PRPSAP2: variants seen among roughly 807,000 people sequenced by gnomAD.
The protein encoded by PRPSAP2 is phosphoribosyl pyrophosphate synthetase associated protein 2, also known as phosphoribosyl pyrophosphate synthase-associated protein 2.
A neutral mutation model predicts 40.6 loss-of-function variants in PRPSAP2; 24 were observed. That is an observed-to-expected ratio of 0.59 (90% CI 0.43 to 0.83). The LOEUF (loss-of-function observed/expected upper bound fraction) is 0.83. Among genes scored for constraint, PRPSAP2 ranks in the 40% least tolerant of loss-of-function variants. The pLI is 0.00. For synonymous variants in PRPSAP2, 149 were observed against 164.7 expected (o/e 0.90, Z 0.73); for missense variants, 292 against 465.6 (o/e 0.63, Z 3.43).
chr17:18,879,108 G>T (rs1264555314), intron 6 of PRPSAP2, among the ~76,000 whole-genome samples: 1 of 152,106 alleles, frequency 6.6e-6, no homozygotes, highest in Non-Finnish European at 1.5e-5. Context: ...GACCTCAAGT[G>T]ATCCACCTGC....
At chr17:18,867,412 A>C in intron 4 of PRPSAP2, 78 bp downstream of exon 4, 1 of 1,477,284 alleles carries the variant, frequency 6.8e-7, no homozygotes, top group Non-Finnish European at 9.4e-7. Flanking sequence ...ATCCTTTACT[A>C]TTGAAACGAT....
In PRPSAP2 at chr17:18,865,846, A is replaced by G. The variant is rs2037386046; in HGVS notation, c.13A>G (p.Thr5Ala). 6.6e-7 allele frequency: 1 copy of G among 1,512,098 alleles called. No homozygotes were observed. Among genetic ancestry groups the G allele is most frequent in the Non-Finnish European group, 8.9e-7 (1 of 1,118,954 alleles). 93.7% of individuals were successfully genotyped at this position (1,512,098 alleles called of 1,614,324 possible). ...CAAGAAGGTTTTGATGTTTTGTGTG[A>G]CGCCACCTGAATTAGAAACCAAGAT... MFCV[T>A]PPELETKMNI... The change falls in exon 3 of 12, where the codon ACG (threonine) becomes GCG (alanine). Residue 5 changes from threonine (T) to alanine (A), a missense_variant. This residue lies in a region of PRPSAP2 where 51 missense variants were observed against 40.0 expected (regional missense o/e 1.28). Coordinates refer to ENST00000268835, the MANE Select transcript of PRPSAP2 (RefSeq NM_002767.4).
At chr17:18,913,977 C>A (rs2041133946) in intron 9 of PRPSAP2, among the ~76,000 whole-genome samples, 1 of 151,224 alleles carries the variant, frequency 6.6e-6, no homozygotes, top group Non-Finnish European at 1.5e-5. Context: ...AGATCAAGAC[C>A]AGCCTGGCCA....
chr17:18,878,997 G>A (rs775068508), intron 6 of PRPSAP2, among the ~76,000 whole-genome samples: 1 of 151,962 alleles, frequency 6.6e-6, no homozygotes, highest in Non-Finnish European at 1.5e-5. Context: ...AGCTTCTCTA[G>A]TAGCTGGGAC....
intron 8 of PRPSAP2, 99 bp downstream of exon 8, chr17:18,889,976 C>T (rs1409853762): frequency 4.0e-6 from 4 of 1,011,644 alleles, no homozygotes; most frequent in Middle Eastern, 2.1e-4. Flanking sequence ...TGGTTCCCAG[C>T]GATATCTCTT....
At chr17:18,906,662 A>G (rs942535638) in intron 8 of PRPSAP2, among the ~76,000 whole-genome samples, 3 of 152,014 alleles carry the variant, frequency 2.0e-5, no homozygotes, top group African/African-American at 7.2e-5. Flanking sequence ...TAAAAAGTAT[A>G]TTGAAAATAG....
At chr17:18,878,344 A>C (rs2038453981) in intron 6 of PRPSAP2, among the ~76,000 whole-genome samples, 1 of 152,106 alleles carries the variant, frequency 6.6e-6, no homozygotes, top group African/African-American at 2.4e-5. Flanking sequence ...GATCCCCCTG[A>C]GTAGTTGGAA....
chr17:18,897,172 G>C (rs1356455988), intron 8 of PRPSAP2, among the ~76,000 whole-genome samples: 1 of 151,906 alleles, frequency 6.6e-6, no homozygotes, highest in Non-Finnish European at 1.5e-5. Flanking sequence ...TGCCCAGGCT[G>C]GTCTCCAACT....
At chr17:18,883,215 C>G (rs1327982962) in intron 7 of PRPSAP2, among the ~76,000 whole-genome samples, 1 of 152,024 alleles carries the variant, frequency 6.6e-6, no homozygotes, top group Non-Finnish European at 1.5e-5. Context: ...ATTTTTTTTC[C>G]TTCATTCTGT....
intron 8 of PRPSAP2, among the ~76,000 whole-genome samples, chr17:18,899,161 C>T (rs1327609873): frequency 6.6e-6 from 1 of 152,184 alleles, no homozygotes; most frequent in Non-Finnish European, 1.5e-5. Context: ...ACCTTGGCCT[C>T]CCAAAGTGCT....
chr17:18,889,087 A>G (rs972083293), intron 7 of PRPSAP2, among the ~76,000 whole-genome samples: 19 of 152,252 alleles, frequency 1.2e-4, no homozygotes, highest in Non-Finnish European at 5.9e-5. Flanking sequence ...AAATGGAAAT[A>G]TATTTTACTG....
At chr17:18,867,194 C>G in intron 3 of PRPSAP2, 88 bp from the exon 4 acceptor site, 5 of 1,265,824 alleles carry the variant, frequency 4.0e-6, no homozygotes, top group Non-Finnish European at 5.6e-6. Context: ...TTATTTTACT[C>G]TTATCGATTT....
At chr17:18,880,601 G>A (rs1347055926) in intron 6 of PRPSAP2, among the ~76,000 whole-genome samples, 2 of 152,084 alleles carry the variant, frequency 1.3e-5, no homozygotes, top group East Asian at 3.9e-4. Context: ...TAGAAATGGA[G>A]TCTCACCATG....
intron 8 of PRPSAP2, among the ~76,000 whole-genome samples, chr17:18,910,337 G>T (rs1406695007): frequency 1.3e-5 from 2 of 152,128 alleles, no homozygotes; most frequent in Non-Finnish European, 2.9e-5. Flanking sequence ...CAGGAGAATC[G>T]CTTGAACCCG....
chr17:18,908,756 A>C lies in PRPSAP2; in HGVS notation c.585-2347A>C, dbSNP rs555078130. On this transcript the variant is annotated intron_variant, in intron 8 of 11. Transcript: ENST00000268835. ...GAAGAATGCAAGAAAGAGATCGGAGAGAAAAGAAAGGATCGGGCAAAAACG... is the reference window on the plus strand; with the variant it reads ...GAAGAATGCAAGAAAGAGATCGGAGCGAAAAGAAAGGATCGGGCAAAAACG... 611 of 725,650 alleles carry C rather than the reference A, an allele frequency of 8.4e-4. 3 individuals are homozygous for C. The highest frequency in any genetic ancestry group is 1.4e-3 in the Non-Finnish European group (575 of 396,892). 45.0% of individuals were successfully genotyped at this position (725,650 alleles called of 1,614,324 possible). A position where few individuals can be genotyped will look rare whatever the true frequency, so the allele number is the denominator to read the frequency against.
intron 8 of PRPSAP2, among the ~76,000 whole-genome samples, chr17:18,893,952 G>A (rs2039748154): frequency 6.6e-6 from 1 of 151,792 alleles, no homozygotes; most frequent in Admixed American, 6.6e-5. Flanking sequence ...CTGCCTCCCA[G>A]GCTCAAGCAA....
intron 8 of PRPSAP2, among the ~76,000 whole-genome samples, chr17:18,901,168 A>G (rs2040244755): frequency 6.6e-6 from 1 of 152,102 alleles, no homozygotes; most frequent in African/African-American, 2.4e-5. Flanking sequence ...TTTCTCACTC[A>G]CTAGGTTGCC....
intron 8 of PRPSAP2, among the ~76,000 whole-genome samples, chr17:18,905,831 C>T (rs2040552968): frequency 6.6e-6 from 1 of 152,214 alleles, no homozygotes. Flanking sequence ...GATCTGCCCG[C>T]CTCGGCCTCC....
intron 9 of PRPSAP2, among the ~76,000 whole-genome samples, chr17:18,918,793 G>A (rs1252914029): frequency 1.3e-5 from 2 of 152,198 alleles, no homozygotes; most frequent in African/African-American, 2.4e-5. Context: ...GGAGCAGTGG[G>A]AGTGTGAAGG....
Sources: allele counts gnomAD v4.1 joint callset (sites outside exome capture counted in the v4.1 genomes callset), GRCh38; gene constraint gnomAD v4.1.1; regional missense constraint gnomAD v4.1.1; transcripts MANE v1.5; gene names NCBI Gene and HGNC (gene_info 2026-07-23, HGNC 2026-07-21).